Variants in MSL2 observed in about 807,000 individuals in gnomAD.
The protein encoded by MSL2 is E3 ubiquitin-protein ligase MSL2.
Under a neutral mutation model 35.8 loss-of-function variants are expected in MSL2, and 2 were observed. The ratio of observed to expected loss-of-function variants is 0.06; its 90% CI spans 0.02 to 0.18. MSL2 has a LOEUF of 0.18. Among genes scored for constraint, MSL2 ranks in the 10% least tolerant of loss-of-function variants. The pLI is 1.00. For missense variants in MSL2, 523 were observed against 706.7 expected (o/e 0.74, Z 2.95); for synonymous variants, 296 against 255.7 (o/e 1.16, Z -1.50).
chr3:136,161,775 G>T (rs1022641605), intron 1 of MSL2, among the ~76,000 whole-genome samples: 1 of 152,018 alleles, frequency 6.6e-6, no homozygotes, highest in Non-Finnish European at 1.5e-5. Context: ...AGTGGTGATG[G>T]TTACACAACT....
intron 1 of MSL2, 80 bp downstream of exon 1, chr3:136,194,892 C>A: frequency 6.3e-7 from 1 of 1,589,686 alleles, no homozygotes. Flanking sequence ...ACCACCAGGC[C>A]GTCAACCCGC....
chr3:136,152,271 T>C lies in MSL2; in HGVS notation c.610A>G (p.Arg204Gly), dbSNP rs200509832. 5.0e-6 allele frequency: 8 copies of C among 1,614,110 alleles called. No homozygotes were observed. Among genetic ancestry groups the C allele is most frequent in the Admixed American group, 3.3e-5 (2 of 60,024 alleles). ...LPTYNGLSID[R>G]FGINIPSPEH... ...GGTGAAGGAATATTTATACCAAATC[T>C]ATCTATTGAAAGCCCATTATAAGTA... The change falls in exon 2 of 2, where the codon AGA (arginine) becomes GGA (glycine). Residue 204 changes from arginine (R) to glycine (G), a missense_variant. By Grantham distance (125) the Arg-to-Gly change is moderately radical (BLOSUM62 -2). This residue lies in a region of MSL2 where 361 missense variants were observed against 414.6 expected (regional missense o/e 0.87). Transcript: ENST00000309993.
rs143482444 is a variant in MSL2 at position 136,155,224 on chromosome 3, G to A, written c.143-2486C>T. 1.2e-3 allele frequency among the ~76,000 whole-genome samples: 174 copies of A among 150,208 alleles called. No individual in the cohort carries two copies. The East Asian group carries it at 0.026, about 22-fold the overall frequency. ...ACTGTCTGGAAAAAAAAAAAAAGACGCTGGATGCGGTGGCTCATGCTTGTA... is the reference window on the plus strand; with the variant it reads ...ACTGTCTGGAAAAAAAAAAAAAGACACTGGATGCGGTGGCTCATGCTTGTA... On this transcript the variant is annotated intron_variant, in intron 1 of 1. Transcript: ENST00000309993.
chr3:136,181,240 G>A (rs192140179), intron 1 of MSL2, among the ~76,000 whole-genome samples: 30 of 151,918 alleles, frequency 2.0e-4, no homozygotes, highest in Non-Finnish European at 2.1e-4. Flanking sequence ...TTTCATTATC[G>A]ACTTAATTTT....
At chr3:136,159,981 T>G (rs1231794582) in intron 1 of MSL2, among the ~76,000 whole-genome samples, 1 of 151,258 alleles carries the variant, frequency 6.6e-6, no homozygotes, top group Non-Finnish European at 1.5e-5. Context: ...ATTAAGAAAA[T>G]GAAAAAATGG....
At chr3:136,159,334 T>TG (rs1017770046) in intron 1 of MSL2, among the ~76,000 whole-genome samples, 6 of 145,122 alleles carry the variant, frequency 4.1e-5, no homozygotes, top group African/African-American at 1.0e-4. Flanking sequence ...GATGATTCAA[T>TG]GGGGAAAGGA....
chr3:136,193,653 ATACACT>A (rs1473149047), intron 1 of MSL2, among the ~76,000 whole-genome samples: 2 of 152,180 alleles, frequency 1.3e-5, no homozygotes, highest in East Asian at 3.9e-4. Context: ...CAAACTCTTG[ATACACT>A]TACATTTGTA....
chr3:136,194,921 G>C (rs1306917835), intron 1 of MSL2, 51 bp downstream of exon 1: 1 of 1,611,492 alleles, frequency 6.2e-7, no homozygotes, highest in South Asian at 1.1e-5. Context: ...CCACTGCCCA[G>C]AAGGCTTTTA....
chr3:136,188,725 C>CAAAA (rs11328242), intron 1 of MSL2, among the ~76,000 whole-genome samples: 1 of 102,508 alleles, frequency 9.8e-6, no homozygotes, highest in Non-Finnish European at 2.0e-5. Flanking sequence ...GACCCTGTCT[C>CAAAA]AAAAAAAAAA....
chr3:136,165,694 A>T (rs1939827216), intron 1 of MSL2, among the ~76,000 whole-genome samples: 1 of 152,098 alleles, frequency 6.6e-6, no homozygotes, highest in South Asian at 2.1e-4. Context: ...TAATTCACCT[A>T]CTCATCTTCT....
chr3:136,180,763 AGGG>A (rs1576371485), intron 1 of MSL2, among the ~76,000 whole-genome samples: 16 of 28,850 alleles, frequency 5.5e-4, no homozygotes, highest in Admixed American at 4.2e-3. Context: ...GGAGGGAAGG[AGGG>A]AGGGAGGGAG....
In MSL2 at chr3:136,152,562, A is replaced by G. The variant is rs1939404427; in HGVS notation, c.319T>C (p.Cys107Arg). Reference sequence around the variant, plus strand: ...AGTGTAGTCTGTGTTATATACTCGCATAGTTTTTTGTAGCAGTTCACTAGG... The same window carrying G: ...AGTGTAGTCTGTGTTATATACTCGCGTAGTTTTTTGTAGCAGTTCACTAGG... ...SILVNCYKKL[C>R]EYITQTTLAR... Residue 107 changes from cysteine to arginine, a missense_variant, in exon 2 of 2, where the codon TGC (cysteine) becomes CGC (arginine). Physicochemically the swap from Cys to Arg is radical, Grantham distance 180 (BLOSUM62 -3). Around this residue, in one of 5 missense-constraint regions of MSL2, gnomAD observed 41 missense variants for 83.3 expected, o/e 0.49. Transcript: ENST00000309993. The G allele has an allele frequency of 6.2e-7, 1 of 1,614,060 alleles. No homozygotes were observed.
At chr3:136,163,528 A>T (rs1462366553) in intron 1 of MSL2, among the ~76,000 whole-genome samples, 3 of 152,224 alleles carry the variant, frequency 2.0e-5, no homozygotes, top group Non-Finnish European at 2.9e-5. Flanking sequence ...CATGAATTGC[A>T]CAAGAGGAGT....
At chr3:136,177,490 A>C (rs748790803) in intron 1 of MSL2, among the ~76,000 whole-genome samples, 4 of 151,910 alleles carry the variant, frequency 2.6e-5, no homozygotes, top group Non-Finnish European at 5.9e-5. Flanking sequence ...CTGGCTAACA[A>C]GGTGAAAACC....
intron 1 of MSL2, among the ~76,000 whole-genome samples, chr3:136,185,104 A>G (rs971616561): frequency 1.3e-5 from 2 of 152,066 alleles, no homozygotes; most frequent in African/African-American, 4.8e-5. Flanking sequence ...CCTCCCAAGT[A>G]GCTGTGATTA....
In MSL2 at chr3:136,195,276, A is replaced by T. The variant is rs1940803494; in HGVS notation, c.-163T>A. ...AAATCCGTGCAAGTTTGTGGAGCTGAAACAATCCTCCCACACATGGGGCCT... is the reference window on the plus strand; with the variant it reads ...AAATCCGTGCAAGTTTGTGGAGCTGTAACAATCCTCCCACACATGGGGCCT... On this transcript the variant is annotated 5_prime_UTR_variant, in exon 1 of 2. Coordinates refer to ENST00000309993, the MANE Select transcript of MSL2 (RefSeq NM_018133.4). 4 of 1,449,674 alleles carry T rather than the reference A, an allele frequency of 2.8e-6. No homozygotes were observed. The Admixed American group carries it at 1.1e-4, about 41-fold the overall frequency. 89.8% of individuals were successfully genotyped at this position (1,449,674 alleles called of 1,614,324 possible).
At chr3:136,172,636 TA>T (rs546518944) in intron 1 of MSL2, among the ~76,000 whole-genome samples, 62 of 152,288 alleles carry the variant, frequency 4.1e-4, no homozygotes, top group African/African-American at 1.5e-3. Context: ...GTCCCCTCAT[TA>T]ATTTTAGTAT....
At chr3:136,175,865 A>G (rs1044504162) in intron 1 of MSL2, among the ~76,000 whole-genome samples, 4 of 152,190 alleles carry the variant, frequency 2.6e-5, no homozygotes, top group African/African-American at 9.7e-5. Context: ...CCTGGGACCC[A>G]GCTATATGCC....
At chr3:136,160,399 G>A (rs1164904520) in intron 1 of MSL2, among the ~76,000 whole-genome samples, 1 of 130,386 alleles carries the variant, frequency 7.7e-6, no homozygotes, top group African/African-American at 2.7e-5. Flanking sequence ...ACCACAGACT[G>A]AGAGAAAATA....
Sources: gnomAD v4.1 joint callset for allele counts (sites outside exome capture counted in the v4.1 genomes callset) on GRCh38, gnomAD v4.1.1 for gene constraint, gnomAD v4.1.1 regional missense constraint, MANE v1.5 for transcripts, NCBI Gene and HGNC (gene_info 2026-07-23, HGNC 2026-07-21) for gene names.